UBTD1: variants seen among roughly 807,000 people sequenced by gnomAD.
The protein encoded by UBTD1 is ubiquitin domain containing 1, also known as ubiquitin domain-containing protein 1.
Under a neutral mutation model 21.7 loss-of-function variants are expected in UBTD1, and 19 were observed. The ratio of observed to expected loss-of-function variants is 0.87; its 90% CI spans 0.61 to 1.28. The LOEUF is 1.28. UBTD1 is among the 50% of genes most tolerant of loss of function. UBTD1 has a pLI of 0.00. For synonymous variants in UBTD1, 116 were observed against 135.1 expected (o/e 0.86, Z 0.98); for missense variants, 282 against 315.1 (o/e 0.89, Z 0.80).
rs397741674 is a variant in UBTD1 at position 97,546,589 on chromosome 10, G to GAAAAA, written c.71-21312_71-21308dup. On this transcript the variant is annotated intron_variant, in intron 1 of 2. Transcript: ENST00000370664. ...GGTGACCGAGTGTGACCCTGTCTCA[G>GAAAAA]AAAAAAAAAAAAAAAAAGCTGACAG... is the stretch of plus-strand genomic sequence containing the variant. Among the ~76,000 whole-genome samples, 3 of 118,146 alleles carry GAAAAA rather than the reference G, an allele frequency of 2.5e-5. 1 individual carries two copies. The highest frequency in any genetic ancestry group is 5.1e-5 in the Non-Finnish European group (3 of 59,166). The allele number at this position is 118,146 out of a possible 152,430, so 77.5% of individuals were successfully genotyped here. A position where few individuals can be genotyped will look rare whatever the true frequency, so the allele number is the denominator to read the frequency against.
intron 1 of UBTD1, among the ~76,000 whole-genome samples, chr10:97,566,831 C>T (rs1422389687): frequency 1.3e-5 from 2 of 152,038 alleles, no homozygotes. Context: ...GCTCACTCTG[C>T]CTTTAGTTTT....
intron 1 of UBTD1, among the ~76,000 whole-genome samples, chr10:97,503,065 C>CACCA (rs2040384078): frequency 6.6e-6 from 1 of 151,894 alleles, no homozygotes; most frequent in South Asian, 2.1e-4. Flanking sequence ...TAGAGGTGTG[C>CACCA]ACCACCACGC....
intron 1 of UBTD1, among the ~76,000 whole-genome samples, chr10:97,547,512 T>G (rs1773059919): frequency 6.6e-6 from 1 of 152,208 alleles, no homozygotes; most frequent in Non-Finnish European, 1.5e-5. Flanking sequence ...AACCCCTGCG[T>G]TCTGCTGCAC....
intron 1 of UBTD1, among the ~76,000 whole-genome samples, chr10:97,513,987 C>T (rs968507747): frequency 6.6e-6 from 1 of 151,834 alleles, no homozygotes; most frequent in African/African-American, 2.4e-5. Context: ...GCTGGGATTA[C>T]AGGTGCCTCT....
At position 97,499,100 on chromosome 10, in the gene UBTD1, C is replaced by T. The variant is rs952778652; in HGVS notation, c.-104C>T. ...GCCCCCGGGGGGAGATCGGGGAGCG[C>T]CCGATGCCGGGCGGCCGGAGCCATT... On this transcript the variant is annotated 5_prime_UTR_variant, in exon 1 of 3. Transcript: ENST00000370664. The T allele has an allele frequency of 1.3e-5, 17 of 1,322,878 alleles. No homozygotes were observed. Among genetic ancestry groups the T allele is most frequent in the Non-Finnish European group, 1.7e-5 (17 of 989,206 alleles). 81.9% of individuals were successfully genotyped at this position (1,322,878 alleles called of 1,614,324 possible).
chr10:97,534,579 G>GCGCACACACACA (rs930248767), intron 1 of UBTD1, among the ~76,000 whole-genome samples: 3 of 145,254 alleles, frequency 2.1e-5, no homozygotes, highest in Non-Finnish European at 3.0e-5. Context: ...ACGCGCGCGC[G>GCGCACACACACA]CACACACACA....
intron 1 of UBTD1, among the ~76,000 whole-genome samples, chr10:97,546,364 G>A (rs963572800): frequency 4.9e-4 from 75 of 152,036 alleles, no homozygotes; most frequent in African/African-American, 1.7e-3. Flanking sequence ...TGAAGTGGGC[G>A]GATCACTTGA....
intron 1 of UBTD1, among the ~76,000 whole-genome samples, chr10:97,503,409 C>G (rs1454934210): frequency 2.0e-5 from 3 of 152,166 alleles, no homozygotes; most frequent in Non-Finnish European, 4.4e-5. Context: ...GTGAAGCAGC[C>G]TCTCCCCCAG....
At chr10:97,514,858 C>T (rs911367263) in intron 1 of UBTD1, among the ~76,000 whole-genome samples, 2 of 152,112 alleles carry the variant, frequency 1.3e-5, no homozygotes, top group African/African-American at 4.8e-5. Context: ...GAGAATGGCC[C>T]CCCAAAGGGT....
At chr10:97,564,097 G>A (rs2040706654) in intron 1 of UBTD1, among the ~76,000 whole-genome samples, 1 of 152,164 alleles carries the variant, frequency 6.6e-6, no homozygotes, top group Non-Finnish European at 1.5e-5. Context: ...CGAGGTTGTA[G>A]AGTTTGAGGG....
intron 1 of UBTD1, among the ~76,000 whole-genome samples, chr10:97,511,791 A>C (rs548872908): frequency 3.3e-5 from 5 of 152,302 alleles, no homozygotes; most frequent in African/African-American, 1.2e-4. Context: ...TAATTTATTA[A>C]TCTCCTACCA....
At chr10:97,513,678 A>C (rs2135659579) in intron 1 of UBTD1, among the ~76,000 whole-genome samples, 1 of 152,332 alleles carries the variant, frequency 6.6e-6, no homozygotes, top group African/African-American at 2.4e-5. Flanking sequence ...ACTCTTACCC[A>C]GACAGAGTCT....
At chr10:97,541,727 G>GTTTTTT (rs1327337598) in intron 1 of UBTD1, among the ~76,000 whole-genome samples, 2 of 133,176 alleles carry the variant, frequency 1.5e-5, no homozygotes, top group East Asian at 4.4e-4. Context: ...GGTCCTCTCT[G>GTTTTTT]ATTTTTTTTT....
At chr10:97,536,575 G>A (rs116669575) in intron 1 of UBTD1, among the ~76,000 whole-genome samples, 2,210 of 152,296 alleles carry the variant, frequency 0.015, 55 homozygotes, top group African/African-American at 0.051. Context: ...CCAGTGTCTC[G>A]TAGGAGGCCA....
At chr10:97,512,473 T>C (rs374694102) in intron 1 of UBTD1, among the ~76,000 whole-genome samples, 61 of 152,358 alleles carry the variant, frequency 4.0e-4, no homozygotes, top group African/African-American at 1.5e-3. Flanking sequence ...GAGGCCTTAT[T>C]TGGCCATAAC....
chr10:97,551,354 A>G (rs905488217), intron 1 of UBTD1, among the ~76,000 whole-genome samples: 4 of 151,062 alleles, frequency 2.6e-5, no homozygotes, highest in Non-Finnish European at 4.4e-5. Flanking sequence ...TGGGCAACAT[A>G]GGGAGACCTC....
chr10:97,537,722 G>A (rs191057386), intron 1 of UBTD1, among the ~76,000 whole-genome samples: 2 of 152,102 alleles, frequency 1.3e-5, no homozygotes, highest in Admixed American at 1.3e-4. Context: ...AGCTGGACAT[G>A]ACCTTAGAGA....
intron 1 of UBTD1, among the ~76,000 whole-genome samples, chr10:97,549,755 T>G (rs368657650): frequency 3.9e-5 from 6 of 152,194 alleles, no homozygotes; most frequent in African/African-American, 1.4e-4. Context: ...CACAGGCCTG[T>G]AAAGAGGCCA....
intron 1 of UBTD1, among the ~76,000 whole-genome samples, chr10:97,512,428 G>A (rs1389459947): frequency 6.6e-6 from 1 of 152,214 alleles, no homozygotes; most frequent in African/African-American, 2.4e-5. Context: ...TAGTCCTGCT[G>A]TTGCCTGGTC....
Sources: gnomAD v4.1 joint callset for allele counts (sites outside exome capture counted in the v4.1 genomes callset) on GRCh38, gnomAD v4.1.1 for gene constraint, MANE v1.5 for transcripts, NCBI Gene and HGNC (gene_info 2026-07-23, HGNC 2026-07-21) for gene names.